Variants in OR1B1 observed in about 807,000 individuals in gnomAD.
OR1B1 encodes the protein olfactory receptor family 1 subfamily B member 1.
For missense variants in OR1B1, 414 were observed against 402.1 expected, an observed-to-expected ratio of 1.03 and a Z score of -0.25; for synonymous variants, 168 against 156.2, an observed-to-expected ratio of 1.08 and a Z score of -0.57.
the OR1B1 span, among the ~76,000 whole-genome samples, chr9:122,652,037 G>A: frequency 3.9e-5 from 6 of 152,138 alleles, no homozygotes; most frequent in African/African-American, 1.4e-4. Context: ...CTGGCCTCAA[G>A]TGGTCGCCTT....
At chr9:122,640,042 T>C in the OR1B1 span, among the ~76,000 whole-genome samples, 2 of 152,082 alleles carry the variant, frequency 1.3e-5, no homozygotes, top group South Asian at 2.1e-4. Flanking sequence ...AACTGAAGCA[T>C]ACAGAAATTA....
upstream of OR1B1, among the ~76,000 whole-genome samples, chr9:122,633,440 A>G (rs562260699): frequency 1.3e-5 from 2 of 152,322 alleles, no homozygotes; most frequent in Non-Finnish European, 2.9e-5. Flanking sequence ...AAAAGCAAAC[A>G]TAAACAAGTG....
the OR1B1 span, among the ~76,000 whole-genome samples, chr9:122,634,681 G>A: frequency 2.0e-5 from 3 of 152,146 alleles, no homozygotes; most frequent in African/African-American, 7.2e-5. Context: ...AATTGGAGAT[G>A]AGATTTGGGT....
In OR1B1 at chr9:122,629,038, C is replaced by T. The variant is rs1316959783; in HGVS notation, c.498G>A (p.Leu166=). 4 of 1,613,878 alleles carry T rather than the reference C, an allele frequency of 2.5e-6. No individual in the cohort carries two copies. In the African/African-American group the frequency reaches 5.3e-5, roughly 22 times the overall value. Residue 166 remains leucine (L), a synonymous_variant, in exon 1 of 1, where the codon CTG becomes CTA. Coordinates refer to ENST00000623530, the Ensembl canonical transcript of OR1B1. ...CAGCATCCCCAGTCCAGCAAAGAGG[C>T]AGGACGAGTCCCACACGCAACATGG...
chr9:122,630,545 G>C (rs1830193866), upstream of OR1B1, among the ~76,000 whole-genome samples: 1 of 152,118 alleles, frequency 6.6e-6, no homozygotes, highest in African/African-American at 2.4e-5. Flanking sequence ...CTTCCATACT[G>C]ATACTGGAAT....
the OR1B1 span, among the ~76,000 whole-genome samples, chr9:122,647,049 TTAAC>T: frequency 2.0e-5 from 3 of 152,190 alleles, no homozygotes; most frequent in East Asian, 1.9e-4. Flanking sequence ...AGACAGAAAA[TTAAC>T]TAAGAAACAC....
At chr9:122,654,113 G>A in the OR1B1 span, among the ~76,000 whole-genome samples, 11 of 152,092 alleles carry the variant, frequency 7.2e-5, no homozygotes, top group African/African-American at 2.4e-4. Context: ...GGGGATTGAG[G>A]ATGCAATGAT....
the OR1B1 span, among the ~76,000 whole-genome samples, chr9:122,652,929 C>CA: frequency 6.6e-6 from 1 of 152,166 alleles, no homozygotes; most frequent in Non-Finnish European, 1.5e-5. Flanking sequence ...CCCCCTGCTC[C>CA]AAGCTAAGGG....
At chr9:122,629,604 T>A (rs946886399), upstream of OR1B1, 14 of 920,614 alleles carry the variant, frequency 1.5e-5, no homozygotes, top group African/African-American at 1.2e-4. Context: ...ATGTTAGGGA[T>A]CATAGCATTT....
At chr9:122,644,443 G>A in the OR1B1 span, among the ~76,000 whole-genome samples, 10 of 152,208 alleles carry the variant, frequency 6.6e-5, no homozygotes, top group Non-Finnish European at 1.5e-4. Context: ...AGCCACGGTA[G>A]AATAGAACAT....
upstream of OR1B1, among the ~76,000 whole-genome samples, chr9:122,630,570 G>A (rs1830194031): frequency 6.6e-6 from 1 of 152,172 alleles, no homozygotes; most frequent in African/African-American, 2.4e-5. Context: ...CTTTCAATAT[G>A]TGACTCCTTG....
At chr9:122,629,351 T>C (rs960931233) in exon 1 of OR1B1, 1 of 1,613,890 alleles carries the variant, frequency 6.2e-7, no homozygotes, top group Non-Finnish European at 8.5e-7. Context: ...AAGCAGATAA[T>C]ACATGGGTGA....
At chr9:122,652,311 G>A in the OR1B1 span, among the ~76,000 whole-genome samples, 1 of 151,932 alleles carries the variant, frequency 6.6e-6, no homozygotes, top group Non-Finnish European at 1.5e-5. Flanking sequence ...GAAAAGTTTG[G>A]GCTAAACATC....
upstream of OR1B1, among the ~76,000 whole-genome samples, chr9:122,633,812 C>T (rs1035630372): frequency 1.3e-5 from 2 of 151,768 alleles, no homozygotes; most frequent in African/African-American, 4.8e-5. Flanking sequence ...TGCCTGTGGT[C>T]CCAGCTACTT....
At chr9:122,639,914 T>A in the OR1B1 span, among the ~76,000 whole-genome samples, 10 of 152,030 alleles carry the variant, frequency 6.6e-5, no homozygotes, top group Admixed American at 2.0e-4. Context: ...AACAAGAAGC[T>A]AACATTTTTT....
chr9:122,632,062 T>A (rs1587980990), upstream of OR1B1, among the ~76,000 whole-genome samples: 2 of 152,254 alleles, frequency 1.3e-5, no homozygotes, highest in East Asian at 3.9e-4. Context: ...CTCAGTGACT[T>A]ATAGACTCTA....
the OR1B1 span, among the ~76,000 whole-genome samples, chr9:122,651,800 T>C: frequency 6.6e-6 from 1 of 152,212 alleles, no homozygotes; most frequent in Non-Finnish European, 1.5e-5. Flanking sequence ...ATTTCAGATA[T>C]ATGTACATCA....
upstream of OR1B1, among the ~76,000 whole-genome samples, chr9:122,631,285 T>C (rs947929665): frequency 5.9e-5 from 9 of 152,030 alleles, no homozygotes; most frequent in African/African-American, 2.2e-4. Flanking sequence ...CATGCCATTC[T>C]CCTGCCTCAG....
the OR1B1 span, among the ~76,000 whole-genome samples, chr9:122,640,872 G>A: frequency 9.9e-5 from 15 of 152,108 alleles, 1 homozygote; most frequent in African/African-American, 2.9e-4. Flanking sequence ...TAATTCATAC[G>A]TCCTACTAAT....
Sources: gnomAD v4.1 joint callset for allele counts (sites outside exome capture counted in the v4.1 genomes callset) on GRCh38, gnomAD v4.1.1 for gene constraint, MANE v1.5 for transcripts, NCBI Gene and HGNC (gene_info 2026-07-23, HGNC 2026-07-21) for gene names.